CC2D1B: variants seen among roughly 807,000 people sequenced by gnomAD.
The protein encoded by CC2D1B is coiled-coil and C2 domain containing 1B.
Under a neutral mutation model 110.8 loss-of-function variants are expected in CC2D1B, and 92 were observed. The ratio of observed to expected loss-of-function variants is 0.83; its 90% CI spans 0.70 to 0.99. The LOEUF (loss-of-function observed/expected upper bound fraction) is 0.99, where lower values mean the gene tolerates loss of function less well. Among genes scored for constraint, CC2D1B ranks in the 50% least tolerant of loss-of-function variants. CC2D1B has a pLI of 0.00. For synonymous variants in CC2D1B, 406 were observed against 429.2 expected, an observed-to-expected ratio of 0.95 and a Z score of 0.67; for missense variants, 1,136 against 1,089.0, an observed-to-expected ratio of 1.04 and a Z score of -0.61.
chr1:52,355,590 C>A lies in CC2D1B; in HGVS notation c.2187+18G>T. On this transcript the variant is annotated intron_variant, in intron 20 of 24. Coordinates refer to ENST00000284376, the MANE Select transcript of CC2D1B (RefSeq NM_001330585.2). Reference sequence around the variant, plus strand: ...GCAAGGCGGGTTTCAGAGGATCCTACTTCTACCTGAACCTCACCGAGTTAG... The same window carrying A: ...GCAAGGCGGGTTTCAGAGGATCCTAATTCTACCTGAACCTCACCGAGTTAG... 1 of 1,614,058 alleles carries A rather than the reference C, an allele frequency of 6.2e-7. No individual in the cohort carries two copies. Among genetic ancestry groups the A allele is most frequent in the South Asian group, 1.1e-5 (1 of 91,080 alleles).
rs1425090691 is a variant in CC2D1B, at chr1:52,357,253, C to T, written c.1753-127G>A. The T allele has an allele frequency of 2.2e-5, 25 of 1,159,556 alleles. No homozygotes were observed. The South Asian group carries it at 2.2e-4, about 10-fold the overall frequency. 71.8% of individuals were successfully genotyped at this position (1,159,556 alleles called of 1,614,324 possible). ...CTAAAGTCCAGTGATGACAACTCATCGCCTCCCATTCTATCCCAAAATAAC... is the reference window on the plus strand; with the variant it reads ...CTAAAGTCCAGTGATGACAACTCATTGCCTCCCATTCTATCCCAAAATAAC... On this transcript the variant is annotated intron_variant, in intron 15 of 24. Transcript: ENST00000284376.
chr1:52,359,803 G>C lies in CC2D1B; in HGVS notation c.844C>G (p.Leu282Val). 6.2e-7 allele frequency: 1 copy of C among 1,611,530 alleles called. No individual in the cohort carries two copies. The highest frequency in any genetic ancestry group is 8.5e-7 in the Non-Finnish European group (1 of 1,178,926). ...TACTCTCTCTGTCGGGATGACAGCA[G>C]GGCCCGCGGGTCTGGGTCTAAGTCT... Reference protein sequence around the residue: ...VSDLDPDPRALLSSRQREYKV... With the variant: ...VSDLDPDPRAVLSSRQREYKV... Residue 282 changes from leucine (L) to valine (V), a missense_variant, in exon 8 of 25, where the codon CTG becomes GTG. Coordinates refer to ENST00000284376, the MANE Select transcript of CC2D1B (RefSeq NM_001330585.2).
chr1:52,359,364 G>A lies in CC2D1B; in HGVS notation c.1019-7C>T. On this transcript the variant is annotated splice_region_variant and splice_polypyrimidine_tract_variant and intron_variant, in intron 9 of 24. Coordinates refer to ENST00000284376, the MANE Select transcript of CC2D1B (RefSeq NM_001330585.2). ...GCCTGCTGGGGCTTCAGATCTGGGG[G>A]ACCCAGAGTAGAGGTGTAGGTGGGA... is the stretch of plus-strand genomic sequence containing the variant. The A allele has an allele frequency of 3.1e-6, 5 of 1,612,822 alleles. No individual in the cohort carries two copies. The highest frequency in any genetic ancestry group is 4.2e-6 in the Non-Finnish European group (5 of 1,179,250).
chr1:52,357,287 C>G, intron 15 of CC2D1B, 161 bp from the exon 16 acceptor site: 3 of 961,446 alleles, frequency 3.1e-6, no homozygotes, highest in Non-Finnish European at 4.6e-6. Flanking sequence ...ACACTCTTGC[C>G]TCCCATGGCC....
chr1:52,365,794 G>A (rs1646868868), intron 1 of CC2D1B, among the ~76,000 whole-genome samples: 1 of 152,210 alleles, frequency 6.6e-6, no homozygotes, highest in Non-Finnish European at 1.5e-5. Context: ...CGGGGAGCGG[G>A]CGGAGGAGCT....
rs543556825 is a variant in CC2D1B, at chr1:52,359,134, C to T, written c.1150G>A (p.Val384Met). The T allele has an allele frequency of 1.9e-6, 3 of 1,610,910 alleles. No individual in the cohort carries two copies. The highest frequency in any genetic ancestry group is 2.5e-6 in the Non-Finnish European group (3 of 1,179,854). The change falls in exon 11 of 25, where the codon GTG becomes ATG. Residue 384 changes from valine (V) to methionine (M), a missense_variant. Val to Met is a conservative substitution (Grantham distance 21). Transcript: ENST00000284376. ...AGCCTCTGCTGCAGGGCATCCAGCACTGTCTGTGACTCTGTAGGGGCCACT... is the reference window on the plus strand; with the variant it reads ...AGCCTCTGCTGCAGGGCATCCAGCATTGTCTGTGACTCTGTAGGGGCCACT... ...TPVAPTESQT[V>M]LDALQQRLNK...
intron 6 of CC2D1B, 67 bp downstream of exon 6, chr1:52,360,357 C>G (rs909316058): frequency 1.2e-5 from 19 of 1,595,192 alleles, no homozygotes; most frequent in Non-Finnish European, 1.5e-5. Flanking sequence ...TCCACTGGTG[C>G]GATCTCCACC....
rs1295841788 is a variant in CC2D1B, at chr1:52,361,115, G to A, written c.336C>T (p.Val112=). 6.2e-7 allele frequency: 1 copy of A among 1,614,018 alleles called. No homozygotes were observed. Among genetic ancestry groups the A allele is most frequent in the East Asian group, 2.2e-5 (1 of 44,858 alleles). The change falls in exon 5 of 25, where the codon GTC becomes GTT. Residue 112 remains valine, a synonymous_variant. Coordinates refer to ENST00000284376, the MANE Select transcript of CC2D1B (RefSeq NM_001330585.2). ...DAELLTELQE[V]LGVDEETEPL... ...GCTCAGTCTCCTCGTCCACACCTAA[G>A]ACCTCCTGCAGCTCCGTCTAGGGAG... is the stretch of plus-strand genomic sequence containing the variant.
chr1:52,355,748 A>C, intron 19 of CC2D1B, 23 bp downstream of exon 19: 1 of 1,613,792 alleles, frequency 6.2e-7, no homozygotes, highest in Non-Finnish European at 8.5e-7. Flanking sequence ...AGCCTCCTGG[A>C]GTAGGGGCGG....
intron 4 of CC2D1B, 154 bp downstream of exon 4, chr1:52,361,357 CAA>C: frequency 7.2e-7 from 1 of 1,381,846 alleles, no homozygotes; most frequent in Non-Finnish European, 9.9e-7. Flanking sequence ...GACCAGAAGT[CAA>C]AGAGACACGC....
chr1:52,362,095 C>T (rs1201489827), intron 3 of CC2D1B, among the ~76,000 whole-genome samples: 1 of 152,170 alleles, frequency 6.6e-6, no homozygotes, highest in African/African-American at 2.4e-5. Flanking sequence ...GCAGTGAGCC[C>T]CTTCCTAGGT....
At chr1:52,364,734 G>T in intron 1 of CC2D1B, 100 bp from the exon 2 acceptor site, 1 of 660,372 alleles carries the variant, frequency 1.5e-6, no homozygotes, top group Non-Finnish European at 2.5e-6. Context: ...TCCCAAAGAA[G>T]GCAATGCTGA....
At chr1:52,360,922 G>C in intron 5 of CC2D1B, 52 bp downstream of exon 5, 1 of 1,604,264 alleles carries the variant, frequency 6.2e-7, no homozygotes, top group Non-Finnish European at 8.5e-7. Flanking sequence ...CACGTGTTAC[G>C]TCTGGGCGCA....
At position 52,357,450 on chromosome 1, in the gene CC2D1B, T is replaced by G. The variant is rs1334894146; in HGVS notation, c.1752+76A>C. The G allele has an allele frequency of 8.9e-6, 13 of 1,458,330 alleles. No homozygotes were observed. The East Asian group carries it at 3.0e-4, about 33-fold the overall frequency. The allele number at this position is 1,458,330 out of a possible 1,614,324, so 90.3% of individuals were successfully genotyped here. A position where few individuals can be genotyped will look rare whatever the true frequency, so the allele number is the denominator to read the frequency against. ...CCCTGCCTCATCCCAGAAGCTGCCC[T>G]TGTTCACAGCCTGTCAAGCCTGCCA... On this transcript the variant is annotated intron_variant, in intron 15 of 24. Transcript: ENST00000284376.
In CC2D1B at chr1:52,350,882, A is replaced by T. The variant is rs890790919; in HGVS notation, c.*2343T>A. ...TGTCTCAGCCTCCCTAGTAGCTGGG[A>T]TTACAGGCGCCGGCCACCATGCCCA... On this transcript the variant is annotated 3_prime_UTR_variant, in exon 25 of 25. Transcript: ENST00000284376. 1.3e-5 allele frequency: 2 copies of T among 152,210 alleles called. No homozygotes were observed. Among genetic ancestry groups the T allele is most frequent in the African/African-American group, 4.8e-5 (2 of 41,434 alleles). 9.4% of individuals were successfully genotyped at this position (152,210 alleles called of 1,614,324 possible). A position where few individuals can be genotyped will look rare whatever the true frequency, so the allele number is the denominator to read the frequency against.
In CC2D1B at chr1:52,362,745, AT is replaced by A. The variant is rs767792918; in HGVS notation, c.70del (p.Met24TrpfsTer83). Reference sequence around the variant, plus strand: ...AGGGCCAAACTCCATAAAGAGCCCCATCTGAGAGCAGAGCAGGACTCTTAGG... The same window carrying A: ...AGGGCCAAACTCCATAAAGAGCCCCACTGAGAGCAGAGCAGGACTCTTAGG... ...RGQGVAAAKQ[M>X]GLFMEFGPED... On this transcript the variant is annotated frameshift_variant and splice_region_variant, in exon 3 of 25. Transcript: ENST00000284376. LOFTEE classifies it high-confidence loss of function. 1.2e-6 allele frequency: 2 copies of A among 1,614,048 alleles called. No individual in the cohort carries two copies. Among genetic ancestry groups the A allele is most frequent in the South Asian group, 2.2e-5 (2 of 91,090 alleles).
intron 5 of CC2D1B, 121 bp from the exon 6 acceptor site, chr1:52,360,670 A>T: frequency 7.0e-7 from 1 of 1,420,674 alleles, no homozygotes; most frequent in African/African-American, 1.4e-5. Flanking sequence ...AAGAGCCTAA[A>T]AGCCTTAAGG....
At chr1:52,359,570 C>T in intron 8 of CC2D1B, 36 bp from the exon 9 acceptor site, 1 of 1,606,952 alleles carries the variant, frequency 6.2e-7, no homozygotes, top group Non-Finnish European at 8.5e-7. Flanking sequence ...GGGTGAAAGA[C>T]AGGGGACCCC....
chr1:52,360,701 G>A lies in CC2D1B; in HGVS notation c.478-152C>T, dbSNP rs1411020403. 8.4e-6 allele frequency: 10 copies of A among 1,194,046 alleles called. No individual in the cohort carries two copies. In the East Asian group the frequency reaches 2.5e-4, roughly 30 times the overall value. 74.0% of individuals were successfully genotyped at this position (1,194,046 alleles called of 1,614,324 possible). On this transcript the variant is annotated intron_variant, in intron 5 of 24. Transcript: ENST00000284376. Reference sequence around the variant, plus strand: ...TAAGGCAGGAAGCAAAGGCTCACTGGAGAGGCCAGAGGCCATGGCAGAGGC... The same window carrying A: ...TAAGGCAGGAAGCAAAGGCTCACTGAAGAGGCCAGAGGCCATGGCAGAGGC...
Sources: allele counts gnomAD v4.1 joint callset (sites outside exome capture counted in the v4.1 genomes callset), GRCh38; gene constraint gnomAD v4.1.1; transcripts MANE v1.5; gene names NCBI Gene and HGNC (gene_info 2026-07-23, HGNC 2026-07-21).